The following BCAS3 variants were observed in gnomAD, a reference collection of about 807,000 sequenced individuals.
BCAS3 encodes BCAS3 microtubule associated cell migration factor.
A neutral mutation model predicts 116.1 loss-of-function variants in BCAS3; 53 were observed. That is an observed-to-expected ratio of 0.46 (90% CI 0.37 to 0.57). BCAS3 has a LOEUF of 0.57. BCAS3 is among the 20% of genes least tolerant of loss of function. The pLI is 0.00. For missense variants in BCAS3, 917 were observed against 1,165.4 expected, an observed-to-expected ratio of 0.79 and a Z score of 3.10; for synonymous variants, 391 against 408.2, an observed-to-expected ratio of 0.96 and a Z score of 0.51.
At chr17:60,986,146 T>C (rs2063129569) in intron 14 of BCAS3, among the ~76,000 whole-genome samples, 1 of 152,248 alleles carries the variant, frequency 6.6e-6, no homozygotes, top group Non-Finnish European at 1.5e-5. Context: ...GTTCTGTCCA[T>C]GTTGTTGCAA....
At chr17:61,384,337 C>T (rs962301230) in intron 23 of BCAS3, 5 of 152,216 alleles carry the variant, frequency 3.3e-5, no homozygotes, top group Non-Finnish European at 7.3e-5. Flanking sequence ...ATTTTTTTAC[C>T]CAGTTTCACG....
intron 6 of BCAS3, among the ~76,000 whole-genome samples, chr17:60,806,835 C>T (rs1422135988): frequency 6.6e-6 from 1 of 152,160 alleles, no homozygotes; most frequent in Non-Finnish European, 1.5e-5. Flanking sequence ...AGCACCTTTT[C>T]ATATGATTCA....
chr17:60,836,083 C>T (rs2051347174), intron 7 of BCAS3, among the ~76,000 whole-genome samples: 1 of 151,990 alleles, frequency 6.6e-6, no homozygotes, highest in South Asian at 2.1e-4. Flanking sequence ...AGAAAGTTCC[C>T]ACATATCTCC....
chr17:60,845,759 A>G (rs1338016047), intron 7 of BCAS3, among the ~76,000 whole-genome samples: 4 of 146,414 alleles, frequency 2.7e-5, no homozygotes, highest in Non-Finnish European at 4.5e-5. Context: ...CTCCCTTTCT[A>G]CTTCTTTCTT....
In BCAS3 at chr17:61,034,705, G is replaced by A. The variant is rs1399848967; in HGVS notation, c.1677G>A (p.Ser559=). 8 of 1,611,722 alleles carry A rather than the reference G, an allele frequency of 5.0e-6. No homozygotes were observed. The highest frequency in any genetic ancestry group is 3.3e-4 in the Middle Eastern group (2 of 6,050). ...KPPPQISPSK[S]MGGEFCVAAI... is the part of the protein sequence containing the mutation. ...CTCCACAAATTTCACCCAGCAAATC[G>A]ATGGGCGGAGAATTTTGTGTGGCTG... Residue 559 remains serine, a synonymous_variant, in exon 17 of 24, where the codon TCG becomes TCA. Transcript: ENST00000407086. This position sits in a 1 kb window ranked among gnomAD's most constrained non-coding sequence, Gnocchi z 5.0.
chr17:60,863,376 A>G (rs190823508), intron 7 of BCAS3, among the ~76,000 whole-genome samples: 21 of 152,244 alleles, frequency 1.4e-4, no homozygotes, highest in Non-Finnish European at 2.9e-4. Flanking sequence ...GTGTAGGTTC[A>G]GTTCAAGATG....
intron 22 of BCAS3, among the ~76,000 whole-genome samples, chr17:61,137,908 C>T (rs2076729305): frequency 6.6e-6 from 1 of 152,150 alleles, no homozygotes; most frequent in African/African-American, 2.4e-5. Flanking sequence ...ACTGAGGAGC[C>T]ACTGTTTTCT....
intron 15 of BCAS3, among the ~76,000 whole-genome samples, chr17:60,998,197 A>G (rs763787630): frequency 3.3e-5 from 5 of 152,182 alleles, no homozygotes; most frequent in South Asian, 2.1e-4. Context: ...TTATGGCTGC[A>G]TAGTATTCCG....
rs185241757 is a variant in BCAS3 at position 61,248,507 on chromosome 17, C to A, written c.2426-119820C>A. 6.2e-3 allele frequency among the ~76,000 whole-genome samples: 941 copies of A among 152,230 alleles called. 13 individuals carry two copies. Among genetic ancestry groups the A allele is most frequent in the South Asian group, 0.035 (167 of 4,812 alleles). ...AGCCTGGCATGAATTCCCAGAGAGCCTTGGGCCTTGGGAGGAGGGGTAATA... is the reference window on the plus strand; with the variant it reads ...AGCCTGGCATGAATTCCCAGAGAGCATTGGGCCTTGGGAGGAGGGGTAATA... On this transcript the variant is annotated intron_variant, in intron 22 of 23. Transcript: ENST00000407086. The surrounding 1 kb of genome is among the most constrained non-coding windows in gnomAD (Gnocchi z 4.3).
At chr17:60,831,454 G>C (rs752220716) in intron 7 of BCAS3, among the ~76,000 whole-genome samples, 2 of 152,202 alleles carry the variant, frequency 1.3e-5, no homozygotes, top group Admixed American at 6.5e-5. Flanking sequence ...TGAGATTACA[G>C]GCATGAGCCA....
At chr17:61,113,236 T>C (rs1412130901) in intron 22 of BCAS3, among the ~76,000 whole-genome samples, 1 of 27,558 alleles carries the variant, frequency 3.6e-5, no homozygotes, top group African/African-American at 6.9e-5. Flanking sequence ...ATAACTAAAA[T>C]CAGAGCAGAA....
chr17:60,818,661 T>A (rs1030895542), intron 7 of BCAS3, among the ~76,000 whole-genome samples: 1 of 152,134 alleles, frequency 6.6e-6, no homozygotes, highest in Non-Finnish European at 1.5e-5. Flanking sequence ...CTTGTAGACA[T>A]GGACTCTTCC....
chr17:60,979,167 CTT>C (rs1184773885), intron 14 of BCAS3, among the ~76,000 whole-genome samples: 1 of 151,450 alleles, frequency 6.6e-6, no homozygotes, highest in Non-Finnish European at 1.5e-5. Context: ...TTTGTATCCT[CTT>C]TTATTTCCTC....
At chr17:61,045,852 T>TCTCTCTCTCC (rs1568210153) in intron 19 of BCAS3, among the ~76,000 whole-genome samples, 1 of 496 alleles carries the variant, frequency 2.0e-3, no homozygotes, top group African/African-American at 3.9e-3. Flanking sequence ...TCTCTCTCTA[T>TCTCTCTCTCC]ATATATATAT....
intron 14 of BCAS3, among the ~76,000 whole-genome samples, chr17:60,987,896 T>C (rs945932331): frequency 1.8e-4 from 27 of 152,172 alleles, no homozygotes; most frequent in African/African-American, 6.0e-4. Context: ...CATCCTTGTC[T>C]TGTTCCATAT....
intron 7 of BCAS3, among the ~76,000 whole-genome samples, chr17:60,821,173 C>G (rs1047866227): frequency 6.6e-6 from 1 of 152,110 alleles, no homozygotes; most frequent in Admixed American, 6.5e-5. Context: ...TCTTGAACTC[C>G]TGACCTCAGG....
intron 4 of BCAS3, among the ~76,000 whole-genome samples, chr17:60,704,808 A>C (rs1414756102): frequency 6.6e-6 from 1 of 150,906 alleles, no homozygotes; most frequent in Admixed American, 6.7e-5. Flanking sequence ...ACTGCACTCC[A>C]GCCTGGGAGA....
chr17:61,176,449 C>A (rs2079153011), intron 22 of BCAS3, among the ~76,000 whole-genome samples: 1 of 150,968 alleles, frequency 6.6e-6, no homozygotes, highest in African/African-American at 2.4e-5. Context: ...ATGAACCCAA[C>A]CCTCAAAAGG....
intron 21 of BCAS3, among the ~76,000 whole-genome samples, chr17:61,079,081 T>A (rs1274251596): frequency 3.3e-5 from 5 of 152,126 alleles, no homozygotes; most frequent in Admixed American, 2.0e-4. Context: ...CTTTTTTTTT[T>A]AATTGCAACT....
Sources: gnomAD v4.1 joint callset for allele counts (sites outside exome capture counted in the v4.1 genomes callset) on GRCh38, gnomAD v4.1.1 for gene constraint, Gnocchi (gnomAD v3.1) non-coding constraint, MANE v1.5 for transcripts, NCBI Gene and HGNC (gene_info 2026-07-23, HGNC 2026-07-21) for gene names.